The following SUPT3H variants were observed in gnomAD, a reference collection of about 807,000 sequenced individuals.
The protein encoded by SUPT3H is transcription initiation protein SPT3 homolog.
In SUPT3H, 44 loss-of-function variants were observed where a neutral mutation model predicts 44.3. The observed-to-expected ratio is 0.99, with a 90% CI of 0.78 to 1.28. The LOEUF is 1.28. SUPT3H is among the 50% of genes most tolerant of loss of function. The probability of loss-of-function intolerance (pLI) is 0.00; values close to 1 mark genes in which losing one functional copy is unlikely to be tolerated. For missense variants in SUPT3H, 380 were observed against 387.1 expected, an observed-to-expected ratio of 0.98 and a Z score of 0.15; for synonymous variants, 124 against 125.6, an observed-to-expected ratio of 0.99 and a Z score of 0.09.
At chr6:45,053,984 G>A (rs1790732440) in intron 3 of SUPT3H, among the ~76,000 whole-genome samples, 1 of 149,542 alleles carries the variant, frequency 6.7e-6, no homozygotes, top group Non-Finnish European at 1.5e-5. Context: ...TCAGGTGACA[G>A]GTGAGCTCGC....
At chr6:45,116,840 A>G (rs1583630112) in intron 2 of SUPT3H, among the ~76,000 whole-genome samples, 1 of 152,084 alleles carries the variant, frequency 6.6e-6, no homozygotes, top group African/African-American at 2.4e-5. Context: ...GAACATTTCC[A>G]TCATTCCAAA....
chr6:45,070,276 A>G (rs1477673328), intron 3 of SUPT3H, among the ~76,000 whole-genome samples: 2 of 152,182 alleles, frequency 1.3e-5, no homozygotes, highest in East Asian at 1.9e-4. Context: ...GTTATAACAC[A>G]TTGAAATTTA....
chr6:45,280,468 T>C (rs1352008265), intron 2 of SUPT3H, among the ~76,000 whole-genome samples: 2 of 151,950 alleles, frequency 1.3e-5, no homozygotes, highest in Non-Finnish European at 1.5e-5. Flanking sequence ...ATCATGCCAC[T>C]GCAAAATCTC....
At position 45,063,216 on chromosome 6, in the gene SUPT3H, G is replaced by C. The variant is rs768014379; in HGVS notation, c.187-42584C>G. Among the ~76,000 whole-genome samples the C allele has an allele frequency of 8.8e-3, 1,264 of 143,132 alleles. 11 individuals carry two copies. The highest frequency in any genetic ancestry group is 0.027 in the South Asian group (108 of 4,066). The allele number at this position is 143,132 out of a possible 152,430, so 93.9% of individuals were successfully genotyped here. ...GCAGGGGCACACTGACACCTCACAC[G>C]GCAGGGTATTCCAACAGACCTGCAG... On this transcript the variant is annotated intron_variant, in intron 3 of 10. Coordinates refer to ENST00000371459, the MANE Select transcript of SUPT3H (RefSeq NM_003599.4).
At chr6:45,079,535 C>A (rs996653040) in intron 3 of SUPT3H, among the ~76,000 whole-genome samples, 1 of 150,984 alleles carries the variant, frequency 6.6e-6, no homozygotes, top group Non-Finnish European at 1.5e-5. Flanking sequence ...AACCATGTTA[C>A]CTCACTTCAA....
In SUPT3H at chr6:45,226,793, T is replaced by G. The variant is rs554190170; in HGVS notation, c.102-120787A>C. Among the ~76,000 whole-genome samples, 3 of 152,066 alleles carry G rather than the reference T, an allele frequency of 2.0e-5. No homozygotes were observed. In the South Asian group the frequency reaches 6.2e-4, roughly 32 times the overall value. ...ATCCGCCCGCCCTGCCCTCCTAAAG[T>G]GCTGGGATTACAGGCGTGAGCCACT... On this transcript the variant is annotated intron_variant, in intron 2 of 10. Transcript: ENST00000371459.
At chr6:45,322,911 C>T (rs747928872) in intron 2 of SUPT3H, 2 of 1,612,926 alleles carry the variant, frequency 1.2e-6, no homozygotes, top group South Asian at 2.2e-5. Context: ...TTCCAAAGAC[C>T]ACCATGAGTC....
intron 2 of SUPT3H, among the ~76,000 whole-genome samples, chr6:45,282,484 CA>C: frequency 6.6e-6 from 1 of 152,170 alleles, no homozygotes; most frequent in East Asian, 1.9e-4. Context: ...GAAAGGGTAT[CA>C]GTGATGGAAG....
intron 2 of SUPT3H, among the ~76,000 whole-genome samples, chr6:45,302,851 T>C (rs918039372): frequency 3.3e-5 from 5 of 152,146 alleles, no homozygotes; most frequent in Admixed American, 2.0e-4. Context: ...GCACCATCTA[T>C]TAATTTTTTA....
At chr6:45,008,742 A>C (rs1370676128) in intron 5 of SUPT3H, among the ~76,000 whole-genome samples, 1 of 151,140 alleles carries the variant, frequency 6.6e-6, no homozygotes, top group African/African-American at 2.4e-5. Flanking sequence ...CTGATGGCTA[A>C]TGACTTTTTT....
At chr6:45,341,507 G>C (rs535913361) in intron 2 of SUPT3H, among the ~76,000 whole-genome samples, 10 of 152,264 alleles carry the variant, frequency 6.6e-5, no homozygotes, top group Non-Finnish European at 1.3e-4. Context: ...CAAGTATAAA[G>C]TCATAACTAC....
At chr6:45,047,065 G>A (rs1245131365) in intron 3 of SUPT3H, among the ~76,000 whole-genome samples, 1 of 152,104 alleles carries the variant, frequency 6.6e-6, no homozygotes, top group Non-Finnish European at 1.5e-5. Context: ...CTTTGACCTT[G>A]CTAAATTCAT....
intron 10 of SUPT3H, among the ~76,000 whole-genome samples, chr6:44,856,189 A>AGAGTC (rs1197421079): frequency 6.6e-6 from 1 of 152,202 alleles, no homozygotes; most frequent in African/African-American, 2.4e-5. Flanking sequence ...AGCAGGAAGG[A>AGAGTC]GAGTGAATGA....
intron 10 of SUPT3H, among the ~76,000 whole-genome samples, chr6:44,882,048 G>C (rs1778318608): frequency 6.6e-6 from 1 of 152,134 alleles, no homozygotes; most frequent in South Asian, 2.1e-4. Flanking sequence ...GAGCAGAAGT[G>C]AAGGAGACAG....
At chr6:45,257,856 C>T (rs909623166) in intron 2 of SUPT3H, among the ~76,000 whole-genome samples, 1 of 152,142 alleles carries the variant, frequency 6.6e-6, no homozygotes, top group Non-Finnish European at 1.5e-5. Context: ...CAGCATTTAC[C>T]CTGAGATGAC....
intron 6 of SUPT3H, among the ~76,000 whole-genome samples, chr6:44,995,075 A>G (rs1208029538): frequency 6.6e-6 from 1 of 152,018 alleles, no homozygotes; most frequent in Non-Finnish European, 1.5e-5. Context: ...ATATGATGTA[A>G]TATTATACCT....
chr6:45,308,504 A>G (rs1240801463), intron 2 of SUPT3H, among the ~76,000 whole-genome samples: 1 of 152,212 alleles, frequency 6.6e-6, no homozygotes, highest in Non-Finnish European at 1.5e-5. Context: ...TAAGCTTCAT[A>G]AGTGAAGGAG....
chr6:45,321,452 G>T (rs956434706), intron 2 of SUPT3H, among the ~76,000 whole-genome samples: 1 of 151,980 alleles, frequency 6.6e-6, no homozygotes, highest in Non-Finnish European at 1.5e-5. Context: ...TTTATTTTAT[G>T]AATGTATTTA....
intron 10 of SUPT3H, among the ~76,000 whole-genome samples, chr6:44,904,023 ATG>A (rs1235277485): frequency 6.6e-6 from 1 of 152,194 alleles, no homozygotes; most frequent in East Asian, 1.9e-4. Flanking sequence ...TATTGATGGG[ATG>A]CATCTCAAAA....
Sources: allele counts gnomAD v4.1 joint callset (sites outside exome capture counted in the v4.1 genomes callset), GRCh38; gene constraint gnomAD v4.1.1; transcripts MANE v1.5; gene names NCBI Gene and HGNC (gene_info 2026-07-23, HGNC 2026-07-21).